The following CPEB3 variants were observed in gnomAD, a reference collection of about 807,000 sequenced individuals.
CPEB3 encodes the protein cytoplasmic polyadenylation element-binding protein 3.
A neutral mutation model predicts 67.2 loss-of-function variants in CPEB3; 20 were observed. The ratio of observed to expected loss-of-function variants is 0.30; its 90% CI spans 0.21 to 0.43. The LOEUF (loss-of-function observed/expected upper bound fraction) is 0.43. Among genes scored for constraint, CPEB3 ranks in the 20% least tolerant of loss-of-function variants. CPEB3 has a pLI of 1.00. For missense variants in CPEB3, 746 were observed against 968.6 expected, an observed-to-expected ratio of 0.77 and a Z score of 3.05; for synonymous variants, 376 against 393.1, an observed-to-expected ratio of 0.96 and a Z score of 0.51.
chr10:92,242,251 C>G lies in CPEB3; in HGVS notation c.-11-1890G>C, dbSNP rs570541789. ...ATTCCCCTGCCTTTCCTCCCTTCAACCCCCCCAGGGAAAAAAACCCAACTC... is the reference window on the plus strand; with the variant it reads ...ATTCCCCTGCCTTTCCTCCCTTCAAGCCCCCCAGGGAAAAAAACCCAACTC... On this transcript the variant is annotated intron_variant, in intron 1 of 9. Transcript: ENST00000265997. 1.1e-4 allele frequency among the ~76,000 whole-genome samples: 17 copies of G among 151,962 alleles called. No individual in the cohort carries two copies. In the South Asian group the frequency reaches 3.1e-3, roughly 28 times the overall value.
intron 2 of CPEB3, among the ~76,000 whole-genome samples, chr10:92,206,740 G>C (rs907204243): frequency 1.3e-5 from 2 of 152,086 alleles, no homozygotes; most frequent in Non-Finnish European, 2.9e-5. Flanking sequence ...TATACTTAAA[G>C]GTCATACTTT....
chr10:92,198,702 G>A (rs1032820582), intron 2 of CPEB3, among the ~76,000 whole-genome samples: 2 of 152,196 alleles, frequency 1.3e-5, no homozygotes, highest in African/African-American at 2.4e-5. Context: ...TCACTACAAC[G>A]CTGCAGAGTA....
chr10:92,117,064 G>A lies in CPEB3; in HGVS notation c.1454-5870C>T, dbSNP rs370746780. Among the ~76,000 whole-genome samples, 89 of 152,034 alleles carry A rather than the reference G, an allele frequency of 5.9e-4. No individual in the cohort carries two copies. The East Asian group carries it at 0.012, about 21-fold the overall frequency. ...TTTTGAGACAGAGTCTCGCTCTGTC[G>A]CCCAGGCTGGAGTGCAGTGGTGCGA... On this transcript the variant is annotated intron_variant, in intron 6 of 9. Transcript: ENST00000265997.
intron 2 of CPEB3, among the ~76,000 whole-genome samples, chr10:92,237,052 A>C (rs921068813): frequency 6.6e-6 from 1 of 152,204 alleles, no homozygotes; most frequent in Non-Finnish European, 1.5e-5. Context: ...AAACCACTTA[A>C]GATATTTTCT....
chr10:92,081,948 A>G (rs1456740571), intron 8 of CPEB3, among the ~76,000 whole-genome samples: 1 of 152,256 alleles, frequency 6.6e-6, no homozygotes, highest in Admixed American at 6.5e-5. Context: ...ACTAAGCTAT[A>G]GAAAGGATTA....
Position 92,081,437 on chromosome 10 carries a change from G to A in CPEB3, c.1752C>T (p.Asp584=). 6.2e-7 allele frequency: 1 copy of A among 1,613,988 alleles called. No homozygotes were observed. Among genetic ancestry groups the A allele is most frequent in the Non-Finnish European group, 8.5e-7 (1 of 1,180,014 alleles). The part of the protein sequence containing the change: ...GGVCYAGIDT[D]PELKYPKGAG... ...CACCTTTGGGGTACTTCAGCTCTGG[G>A]TCCGTATCAATGCCAGCATAGCAGA... Residue 584 remains aspartate (D), a synonymous_variant, in exon 9 of 10, where the codon GAC becomes GAT. Transcript: ENST00000265997.
At chr10:92,145,543 C>T (rs1398868995) in intron 4 of CPEB3, among the ~76,000 whole-genome samples, 3 of 151,680 alleles carry the variant, frequency 2.0e-5, no homozygotes, top group Non-Finnish European at 4.4e-5. Context: ...GCAGGAGAAT[C>T]GCTTGAACCC....
chr10:92,118,377 C>T (rs1330080709), intron 6 of CPEB3, among the ~76,000 whole-genome samples: 2 of 152,126 alleles, frequency 1.3e-5, no homozygotes, highest in Non-Finnish European at 2.9e-5. Flanking sequence ...GGTGATCCAC[C>T]CGCCCCAGCC....
intron 2 of CPEB3, among the ~76,000 whole-genome samples, chr10:92,208,155 A>C (rs1849885579): frequency 6.6e-6 from 1 of 152,218 alleles, no homozygotes; most frequent in Non-Finnish European, 1.5e-5. Flanking sequence ...AATAGGAAGA[A>C]ATTAGATTAT....
intron 2 of CPEB3, chr10:92,216,298 GC>G: frequency 1.3e-6 from 2 of 1,563,080 alleles, no homozygotes; most frequent in Non-Finnish European, 1.7e-6. Flanking sequence ...TGGCTGGGCA[GC>G]CTCCCTGGGA....
chr10:92,254,218 GACCCTGCCTT>G (rs1407049739), intron 1 of CPEB3, among the ~76,000 whole-genome samples: 2 of 148,256 alleles, frequency 1.3e-5, no homozygotes, highest in Non-Finnish European at 2.9e-5. Context: ...AACAGAGTGA[GACCCTGCCTT>G]TAAAAAAAAA....
intron 9 of CPEB3, among the ~76,000 whole-genome samples, chr10:92,056,602 C>T (rs1051096237): frequency 1.3e-5 from 2 of 152,166 alleles, no homozygotes; most frequent in African/African-American, 4.8e-5. Context: ...CAAACCTCGC[C>T]ACTGTGGGCT....
chr10:92,169,195 A>ATGG (rs1847892026), intron 4 of CPEB3, among the ~76,000 whole-genome samples: 1 of 150,704 alleles, frequency 6.6e-6, no homozygotes, highest in African/African-American at 2.4e-5. Flanking sequence ...CTAGAGTGCA[A>ATGG]TGGTGCAGTC....
At chr10:92,165,508 T>C (rs1366666112) in intron 4 of CPEB3, among the ~76,000 whole-genome samples, 1 of 149,190 alleles carries the variant, frequency 6.7e-6, no homozygotes, top group Non-Finnish European at 1.5e-5. Context: ...TGAGGCAATA[T>C]CTTAAAAAAA....
At chr10:92,167,260 A>G (rs1428692842) in intron 4 of CPEB3, among the ~76,000 whole-genome samples, 1 of 152,174 alleles carries the variant, frequency 6.6e-6, no homozygotes, top group African/African-American at 2.4e-5. Context: ...AACACTTTTA[A>G]TTTCCTTCAA....
intron 1 of CPEB3, among the ~76,000 whole-genome samples, chr10:92,250,666 T>A (rs935813474): frequency 2.0e-5 from 3 of 151,878 alleles, no homozygotes; most frequent in African/African-American, 4.8e-5. Flanking sequence ...GTACCTTTTT[T>A]AATATATGTA....
intron 2 of CPEB3, among the ~76,000 whole-genome samples, chr10:92,193,963 A>AT (rs1849108942): frequency 1.3e-5 from 2 of 151,282 alleles, no homozygotes; most frequent in South Asian, 2.1e-4. Flanking sequence ...TGCCCAGCTA[A>AT]TTTTTTGTAT....
At chr10:92,171,357 C>T (rs1453846458) in intron 4 of CPEB3, among the ~76,000 whole-genome samples, 1 of 152,192 alleles carries the variant, frequency 6.6e-6, no homozygotes, top group Non-Finnish European at 1.5e-5. Flanking sequence ...AGTCCCGATA[C>T]TACTTGATTC....
chr10:92,125,587 C>A, intron 6 of CPEB3, among the ~76,000 whole-genome samples: 1 of 152,078 alleles, frequency 6.6e-6, no homozygotes, highest in East Asian at 1.9e-4. Context: ...TTTGGTAGCT[C>A]CAGTGACAGC....
Sources: gnomAD v4.1 joint callset for allele counts (sites outside exome capture counted in the v4.1 genomes callset) on GRCh38, gnomAD v4.1.1 for gene constraint, MANE v1.5 for transcripts, NCBI Gene and HGNC (gene_info 2026-07-23, HGNC 2026-07-21) for gene names.